DMD: variants seen among roughly 807,000 people sequenced by gnomAD.
DMD encodes the protein mutant dystrophin.
In DMD, 63 loss-of-function variants were observed where a neutral mutation model predicts 330.1. The ratio of observed to expected loss-of-function variants is 0.19; its 90% CI spans 0.16 to 0.24. The LOEUF (loss-of-function observed/expected upper bound fraction) is 0.24. Ranked by LOEUF, DMD falls within the 10% of genes least tolerant of loss-of-function variation. DMD has a pLI of 1.00. For synonymous variants in DMD, 1,223 were observed against 959.8 expected, an observed-to-expected ratio of 1.27 and a Z score of -5.07; for missense variants, 3,344 against 2,684.1, an observed-to-expected ratio of 1.25 and a Z score of -5.43.
chrX:32,428,498 G>C (rs973332964), intron 29 of DMD, among the ~76,000 whole-genome samples: 4 of 111,965 alleles, frequency 3.6e-5, no homozygotes, highest in African/African-American at 1.3e-4. Context: ...CTGGTGTCTT[G>C]AAAGAAAGAG....
rs770089004 is a variant in DMD, at chrX:32,740,782, G to A, written c.650-41489C>T. 4.7e-4 allele frequency among the ~76,000 whole-genome samples: 52 copies of A among 110,931 alleles called. 1 individual carries two copies. The highest frequency in any genetic ancestry group is 3.8e-4 in the Admixed American group (4 of 10,409). ...ACACTGTTTTAAGTACTTCCCATGC[G>A]TTATTTCTATGATCTTTCTCATAGA... On this transcript the variant is annotated intron_variant, in intron 7 of 78. Transcript: ENST00000357033.
chrX:32,192,828 G>C (rs1569550000), intron 44 of DMD, among the ~76,000 whole-genome samples: 1 of 111,853 alleles, frequency 8.9e-6, no homozygotes. Flanking sequence ...ATTAGCAAAG[G>C]TCTACAAAGT....
At chrX:31,605,107 C>T (rs2077548683) in intron 55 of DMD, among the ~76,000 whole-genome samples, 1 of 111,722 alleles carries the variant, frequency 9.0e-6, no homozygotes, top group South Asian at 3.7e-4. Flanking sequence ...GGCCCTAAGT[C>T]CCTTTGTGTA....
intron 7 of DMD, among the ~76,000 whole-genome samples, chrX:32,799,875 G>A (rs193049580): frequency 5.4e-4 from 60 of 111,193 alleles, no homozygotes; most frequent in Non-Finnish European, 8.9e-4. Flanking sequence ...AATCGCTTAT[G>A]CTAATGCCTA....
intron 64 of DMD, among the ~76,000 whole-genome samples, chrX:31,216,507 C>CTCTA (rs1477962305): frequency 8.9e-6 from 1 of 112,190 alleles, no homozygotes; most frequent in Non-Finnish European, 1.9e-5. Flanking sequence ...GAGACATGGC[C>CTCTA]TCTAACCTAT....
chrX:31,751,183 C>T (rs1036668415), intron 51 of DMD, among the ~76,000 whole-genome samples: 8 of 109,347 alleles, frequency 7.3e-5, no homozygotes, highest in Non-Finnish European at 1.3e-4. Flanking sequence ...GAGCCCGCAT[C>T]GCCAAGTCAA....
intron 62 of DMD, among the ~76,000 whole-genome samples, chrX:31,276,791 G>A (rs918271594): frequency 7.2e-5 from 8 of 111,834 alleles, no homozygotes; most frequent in Non-Finnish European, 1.1e-4. Flanking sequence ...ATGAATCCAG[G>A]TTTAAAGAAG....
At chrX:32,461,050 C>T (rs1233955595) in intron 25 of DMD, among the ~76,000 whole-genome samples, 1 of 111,167 alleles carries the variant, frequency 9.0e-6, no homozygotes, top group East Asian at 2.8e-4. Context: ...TTTATATACC[C>T]AAAATTAGAT....
At position 32,558,472 on chromosome X, in the gene DMD, AT is replaced by A. The variant is rs1490412441; in HGVS notation, c.1992+7229del. Among the ~76,000 whole-genome samples, 3 of 111,660 alleles carry A rather than the reference AT, an allele frequency of 2.7e-5. No individual in the cohort carries two copies. In the South Asian group the frequency reaches 1.1e-3, roughly 41 times the overall value. Reference sequence around the variant, plus strand: ...TAGGCGTATCATACAGATGCTGAGCATTTTGTCTGTATGGTATTTTAATGAC... The same window carrying A: ...TAGGCGTATCATACAGATGCTGAGCATTTGTCTGTATGGTATTTTAATGAC... On this transcript the variant is annotated intron_variant, in intron 16 of 78. Coordinates refer to ENST00000357033, the MANE Select transcript of DMD (RefSeq NM_004006.3).
At chrX:31,517,261 A>G (rs1293818620) in intron 55 of DMD, among the ~76,000 whole-genome samples, 1 of 111,623 alleles carries the variant, frequency 9.0e-6, no homozygotes, top group African/African-American at 3.3e-5. Flanking sequence ...ACCTAACCCA[A>G]TGCCTAACCT....
intron 30 of DMD, among the ~76,000 whole-genome samples, chrX:32,397,294 A>C: frequency 9.0e-6 from 1 of 111,609 alleles, no homozygotes; most frequent in East Asian, 2.8e-4. Context: ...AACCACATAC[A>C]ACTATTCTTG....
chrX:32,600,598 GCACACA>G lies in DMD; in HGVS notation c.1483-4728_1483-4723del, dbSNP rs201249837. ...GTCACACACACACAAACACGCACACGCACACACACACACACACACACACACAAAACA... is the reference window on the plus strand; with the variant it reads ...GTCACACACACACAAACACGCACACGCACACACACACACACACACAAAACA... On this transcript the variant is annotated intron_variant, in intron 12 of 78. Coordinates refer to ENST00000357033, the MANE Select transcript of DMD (RefSeq NM_004006.3). Among the ~76,000 whole-genome samples, 40 of 95,284 alleles carry G rather than the reference GCACACA, an allele frequency of 4.2e-4. No homozygotes were observed. The East Asian group carries it at 5.1e-3, about 12-fold the overall frequency. 82.7% of individuals were successfully genotyped at this position (95,284 alleles called of 115,157 possible). A position where few individuals can be genotyped will look rare whatever the true frequency, so the allele number is the denominator to read the frequency against.
intron 1 of DMD, among the ~76,000 whole-genome samples, chrX:33,237,085 C>T (rs2052497531): frequency 9.1e-6 from 1 of 110,374 alleles, no homozygotes; most frequent in African/African-American, 3.3e-5. Flanking sequence ...AACGGTTGTA[C>T]AATATAAAAC....
At chrX:32,725,529 A>G (rs750570447) in intron 7 of DMD, among the ~76,000 whole-genome samples, 1 of 111,013 alleles carries the variant, frequency 9.0e-6, no homozygotes, top group African/African-American at 3.3e-5. Flanking sequence ...AGACAAAAAC[A>G]AAGAGTCAAA....
intron 55 of DMD, among the ~76,000 whole-genome samples, chrX:31,523,016 C>G (rs756196579): frequency 9.0e-6 from 1 of 111,426 alleles, no homozygotes; most frequent in Non-Finnish European, 1.9e-5. Flanking sequence ...CAGTGGTTCT[C>G]AAACTTGAGT....
chrX:31,721,004 T>C (rs1470309623), intron 52 of DMD, among the ~76,000 whole-genome samples: 2 of 111,658 alleles, frequency 1.8e-5, no homozygotes, highest in Non-Finnish European at 3.8e-5. Context: ...ACACAACGTA[T>C]AGGAAGAAAA....
rs747905824 is a variant in DMD at position 33,024,004 on chromosome X, T to C, written c.32-3804A>G. On this transcript the variant is annotated intron_variant, in intron 1 of 78. Coordinates refer to ENST00000357033, the MANE Select transcript of DMD (RefSeq NM_004006.3). ...TTATACGTATTTACTTGAATTGATATATTTTTATTGCTATTTGTCATATTG... is the reference window on the plus strand; with the variant it reads ...TTATACGTATTTACTTGAATTGATACATTTTTATTGCTATTTGTCATATTG... Among the ~76,000 whole-genome samples the C allele has an allele frequency of 3.6e-5, 4 of 111,987 alleles. No homozygotes were observed. In the South Asian group the frequency reaches 1.5e-3, roughly 41 times the overall value.
intron 61 of DMD, among the ~76,000 whole-genome samples, chrX:31,346,518 T>C (rs1223882290): frequency 4.5e-5 from 5 of 111,118 alleles, no homozygotes; most frequent in African/African-American, 1.6e-4. Flanking sequence ...TATAATCAAA[T>C]AAAAAGTGGT....
At chrX:32,399,615 C>A (rs1249426009) in intron 30 of DMD, among the ~76,000 whole-genome samples, 1 of 110,998 alleles carries the variant, frequency 9.0e-6, no homozygotes, top group African/African-American at 3.3e-5. Context: ...AAAGGGAACC[C>A]TCATACACTG....
Sources: gnomAD v4.1 joint callset for allele counts (sites outside exome capture counted in the v4.1 genomes callset) on GRCh38, gnomAD v4.1.1 for gene constraint, MANE v1.5 for transcripts, NCBI Gene and HGNC (gene_info 2026-07-23, HGNC 2026-07-21) for gene names.